Variants in NBAS observed in about 807,000 individuals in gnomAD.
NBAS encodes the protein NBAS subunit of NRZ tethering complex, also known as NAG/BC035112 fusion.
NBAS carries 219 observed loss-of-function variants against 302.5 expected under a neutral mutation model. The ratio of observed to expected loss-of-function variants is 0.72; its 90% CI spans 0.65 to 0.81. The LOEUF (loss-of-function observed/expected upper bound fraction) is 0.81, where lower values mean the gene tolerates loss of function less well. Among genes scored for constraint, NBAS ranks in the 30% least tolerant of loss-of-function variants. The probability of loss-of-function intolerance (pLI) is 0.00; values close to 1 mark genes in which losing one functional copy is unlikely to be tolerated. For synonymous variants in NBAS, 1,118 were observed against 1,021.6 expected (o/e 1.09, Z -1.80); for missense variants, 2,932 against 2,841.6 (o/e 1.03, Z -0.72).
intron 11 of NBAS, among the ~76,000 whole-genome samples, chr2:15,490,236 C>T (rs1047964526): frequency 6.6e-6 from 1 of 152,250 alleles, no homozygotes; most frequent in African/African-American, 2.4e-5. Context: ...TCTCAAATGA[C>T]TAAGGTGCCT....
At chr2:15,063,230 G>T in the NBAS span, among the ~76,000 whole-genome samples, 3 of 152,234 alleles carry the variant, frequency 2.0e-5, no homozygotes, top group Admixed American at 1.3e-4. Flanking sequence ...GTGCAGTTAA[G>T]AATGGACTTC....
intron 38 of NBAS, among the ~76,000 whole-genome samples, chr2:15,311,468 T>C (rs1004750162): frequency 3.9e-5 from 6 of 152,202 alleles, no homozygotes; most frequent in African/African-American, 1.2e-4. Flanking sequence ...CATGTTTTCG[T>C]TTCCCACTAA....
the NBAS span, among the ~76,000 whole-genome samples, chr2:14,810,675 T>C: frequency 1.3e-5 from 2 of 152,174 alleles, no homozygotes; most frequent in Non-Finnish European, 2.9e-5. Context: ...TAATTTAAAT[T>C]TTCAAAAAGG....
At chr2:15,151,832 C>T in the NBAS span, among the ~76,000 whole-genome samples, 1 of 152,184 alleles carries the variant, frequency 6.6e-6, no homozygotes, top group African/African-American at 2.4e-5. Flanking sequence ...GTGCTGTATC[C>T]ACTCAAGAGT....
the NBAS span, among the ~76,000 whole-genome samples, chr2:15,032,883 G>A: frequency 0.029 from 4,456 of 152,304 alleles, 234 homozygotes; most frequent in African/African-American, 0.1. Context: ...TTCAAGACAA[G>A]GGAAGAATGA....
At chr2:14,924,976 A>G in the NBAS span, among the ~76,000 whole-genome samples, 1 of 152,116 alleles carries the variant, frequency 6.6e-6, no homozygotes, top group South Asian at 2.1e-4. Flanking sequence ...AAATCTGCCT[A>G]CTCAGAGACT....
intron 51 of NBAS, among the ~76,000 whole-genome samples, chr2:15,177,712 A>G (rs562494000): frequency 6.6e-6 from 1 of 152,342 alleles, no homozygotes; most frequent in East Asian, 1.9e-4. Flanking sequence ...AAACTGGCTA[A>G]GAAAAAAACT....
At chr2:15,362,085 G>C (rs767553786) in intron 32 of NBAS, among the ~76,000 whole-genome samples, 1 of 151,960 alleles carries the variant, frequency 6.6e-6, no homozygotes, top group African/African-American at 2.4e-5. Flanking sequence ...TTACAGGAAG[G>C]GTTGAATAAA....
At position 15,475,813 on chromosome 2, in the gene NBAS, TCGAGCTAAA is replaced by T; in HGVS notation, c.1206_1214del (p.Leu403_Arg405del). 1 of 1,614,108 alleles carries T rather than the reference TCGAGCTAAA, an allele frequency of 6.2e-7. No individual in the cohort carries two copies. The highest frequency in any genetic ancestry group is 1.3e-5 in the African/African-American group (1 of 75,046). On this transcript the variant is annotated inframe_deletion, in exon 14 of 52. Coordinates refer to ENST00000281513, the MANE Select transcript of NBAS (RefSeq NM_015909.4). ...ATGAAACAGTTAAAGCACCAGAGCA[TCGAGCTAAA>T]GTCACTGCACTGTCTGCCCACCAAT...
At chr2:15,283,124 C>T (rs1412745586) in intron 42 of NBAS, among the ~76,000 whole-genome samples, 1 of 152,112 alleles carries the variant, frequency 6.6e-6, no homozygotes, top group Non-Finnish European at 1.5e-5. Context: ...GCACTTAACA[C>T]TATGCTGGGA....
At chr2:15,443,455 C>CT (rs1165636955) in intron 21 of NBAS, among the ~76,000 whole-genome samples, 1 of 151,984 alleles carries the variant, frequency 6.6e-6, no homozygotes, top group African/African-American at 2.4e-5. Flanking sequence ...TTCAACAACC[C>CT]TTCATGCTAA....
At chr2:14,843,407 T>C in the NBAS span, among the ~76,000 whole-genome samples, 1 of 152,130 alleles carries the variant, frequency 6.6e-6, no homozygotes, top group South Asian at 2.1e-4. Flanking sequence ...ATCTAATACT[T>C]AGAAAAATCT....
At chr2:15,326,563 A>C (rs145653037) in intron 38 of NBAS, among the ~76,000 whole-genome samples, 46 of 152,326 alleles carry the variant, frequency 3.0e-4, no homozygotes, top group African/African-American at 1.0e-3. Flanking sequence ...AGAAGTAATA[A>C]AGAATAATTA....
At position 15,433,234 on chromosome 2, in the gene NBAS, T is replaced by C. The variant is rs74877642; in HGVS notation, c.2340-5440A>G. On this transcript the variant is annotated intron_variant, in intron 21 of 51. Coordinates refer to ENST00000281513, the MANE Select transcript of NBAS (RefSeq NM_015909.4). Reference sequence around the variant, plus strand: ...GAATTGTGAGTCTACCTTTCATAGCTGTAGAACCTTGATGGAGTTACTCAA... The same window carrying C: ...GAATTGTGAGTCTACCTTTCATAGCCGTAGAACCTTGATGGAGTTACTCAA... Among the ~76,000 whole-genome samples, 1,023 of 152,336 alleles carry C rather than the reference T, an allele frequency of 6.7e-3. 12 individuals carry two copies. The highest frequency in any genetic ancestry group is 0.022 in the African/African-American group (923 of 41,572).
chr2:15,328,661 G>A (rs1320126657), intron 36 of NBAS, among the ~76,000 whole-genome samples: 2 of 152,134 alleles, frequency 1.3e-5, no homozygotes, highest in East Asian at 1.9e-4. Context: ...ATAACCACTC[G>A]AAAACGTCAT....
the NBAS span, among the ~76,000 whole-genome samples, chr2:15,093,244 C>T: frequency 6.6e-6 from 1 of 152,042 alleles, no homozygotes; most frequent in Non-Finnish European, 1.5e-5. Context: ...GGTAAAACCC[C>T]GTCTCTACTA....
At chr2:14,856,967 G>C in the NBAS span, among the ~76,000 whole-genome samples, 5 of 152,172 alleles carry the variant, frequency 3.3e-5, no homozygotes, top group African/African-American at 1.2e-4. Flanking sequence ...AGCAAATTTA[G>C]TAAGGTTGCA....
Position 15,312,838 on chromosome 2 carries a change from C to T in NBAS, c.4583-3591G>A, listed in dbSNP as rs772729613. Among the ~76,000 whole-genome samples the T allele has an allele frequency of 1.6e-4, 25 of 152,310 alleles. 1 individual carries two copies. Among genetic ancestry groups the T allele is most frequent in the Middle Eastern group, 3.4e-3 (1 of 294 alleles). On this transcript the variant is annotated intron_variant, in intron 38 of 51. Transcript: ENST00000281513. ...GCCAGCACTTGGTTCCTCGTCAAAT[C>T]CAACTGAATAATTTCCAAAGAACTC...
At chr2:15,380,070 C>A (rs1674957886) in intron 29 of NBAS, among the ~76,000 whole-genome samples, 2 of 152,098 alleles carry the variant, frequency 1.3e-5, no homozygotes, top group South Asian at 4.1e-4. Context: ...AGAATAATTT[C>A]ATTGACTAAA....
Sources: allele counts gnomAD v4.1 joint callset (sites outside exome capture counted in the v4.1 genomes callset), GRCh38; gene constraint gnomAD v4.1.1; transcripts MANE v1.5; gene names NCBI Gene and HGNC (gene_info 2026-07-23, HGNC 2026-07-21).